UNC13C: variants seen among roughly 807,000 people sequenced by gnomAD.
UNC13C encodes the protein protein unc-13 homolog C.
UNC13C carries 174 observed loss-of-function variants against 245.4 expected under a neutral mutation model. That is an observed-to-expected ratio of 0.71 (90% CI 0.63 to 0.80). The LOEUF (loss-of-function observed/expected upper bound fraction) is 0.80, where lower values mean the gene tolerates loss of function less well. Ranked by LOEUF, UNC13C falls within the 30% of genes least tolerant of loss-of-function variation. The probability of loss-of-function intolerance (pLI) is 0.00; values close to 1 mark genes in which losing one functional copy is unlikely to be tolerated. For missense variants in UNC13C, 2,829 were observed against 2,602.9 expected (o/e 1.09, Z -1.89); for synonymous variants, 992 against 895.1 (o/e 1.11, Z -1.93).
the UNC13C span, among the ~76,000 whole-genome samples, chr15:53,908,752 CAAA>C: frequency 2.3e-5 from 2 of 88,172 alleles, no homozygotes; most frequent in African/African-American, 4.1e-5. Context: ...AACCTTTCTC[CAAA>C]AAAAAAAAAA....
Position 54,548,285 on chromosome 15 carries a change from G to A in UNC13C, c.5821-1350G>A, listed in dbSNP as rs1468323638. Among the ~76,000 whole-genome samples the A allele has an allele frequency of 4.4e-5, 6 of 137,426 alleles. No homozygotes were observed. In the South Asian group the frequency reaches 7.8e-4, roughly 18 times the overall value. The allele number at this position is 137,426 out of a possible 152,430, so 90.2% of individuals were successfully genotyped here. On this transcript the variant is annotated intron_variant, in intron 27 of 32. Transcript: ENST00000260323. ...CGCCCAGGCTGGAGTGCAGTGGCGCGATCTCGGCTCACTGCAAGCTCCACC... is the reference window on the plus strand; with the variant it reads ...CGCCCAGGCTGGAGTGCAGTGGCGCAATCTCGGCTCACTGCAAGCTCCACC...
At chr15:54,603,680 G>T (rs555732455) in intron 30 of UNC13C, among the ~76,000 whole-genome samples, 2 of 152,036 alleles carry the variant, frequency 1.3e-5, no homozygotes, top group African/African-American at 4.8e-5. Flanking sequence ...TGGGCAACAT[G>T]GTGAAACCCC....
At chr15:54,280,918 C>T (rs1303351817) in intron 10 of UNC13C, among the ~76,000 whole-genome samples, 1 of 151,840 alleles carries the variant, frequency 6.6e-6, no homozygotes, top group Non-Finnish European at 1.5e-5. Flanking sequence ...CTGCCTCAGG[C>T]TCCTGAGTAA....
At chr15:54,011,299 A>G (rs1012992628) in intron 1 of UNC13C, among the ~76,000 whole-genome samples, 5 of 152,174 alleles carry the variant, frequency 3.3e-5, no homozygotes, top group African/African-American at 1.2e-4. Context: ...ATTGTTGCCT[A>G]GAACAGTAGC....
rs1221806809 is a variant in UNC13C at position 54,297,876 on chromosome 15, GGAGAA to G, written c.4061_4065del (p.Glu1354GlyfsTer13). 1 of 1,610,736 alleles carries G rather than the reference GGAGAA, an allele frequency of 6.2e-7. No individual in the cohort carries two copies. Among genetic ancestry groups the G allele is most frequent in the Non-Finnish European group, 8.5e-7 (1 of 1,178,440 alleles). On this transcript the variant is annotated frameshift_variant, in exon 12 of 33. Transcript: ENST00000260323. LOFTEE classifies it high-confidence loss of function. ...ATTGAAAATCAATGTGGAGATAAAA[GGAGAA>G]GAGAAGGTTGCTCCATATCATATTC...
chr15:54,172,740 ATATATATATATATATATATATC>A (rs1279818462), intron 4 of UNC13C, among the ~76,000 whole-genome samples: 1 of 73,990 alleles, frequency 1.4e-5, no homozygotes, highest in African/African-American at 6.2e-5. Flanking sequence ...ATATATATAT[ATATATATATATATATATATATC>A]TTTACTCTAT....
intron 2 of UNC13C, among the ~76,000 whole-genome samples, chr15:54,025,117 A>T (rs144115124): frequency 0.019 from 2,850 of 152,226 alleles, 31 homozygotes; most frequent in South Asian, 0.066. Context: ...AGGTCCCAAG[A>T]TATATTGAGC....
chr15:53,928,843 A>G, the UNC13C span, among the ~76,000 whole-genome samples: 2,615 of 152,332 alleles, frequency 0.017, 30 homozygotes, highest in Middle Eastern at 0.075. Flanking sequence ...CAGTGGAATA[A>G]CCAACAATTT....
chr15:54,486,864 C>A (rs982374751), intron 19 of UNC13C, among the ~76,000 whole-genome samples: 3 of 152,144 alleles, frequency 2.0e-5, no homozygotes, highest in Admixed American at 6.5e-5. Context: ...ATGGCTTGGA[C>A]AAGTCATGCA....
At chr15:54,155,297 G>A (rs979888747) in intron 4 of UNC13C, among the ~76,000 whole-genome samples, 1 of 151,996 alleles carries the variant, frequency 6.6e-6, no homozygotes, top group Non-Finnish European at 1.5e-5. Context: ...ATTATATGAT[G>A]GTGACAGGAT....
chr15:54,475,759 A>G (rs1892705655), intron 19 of UNC13C, among the ~76,000 whole-genome samples: 1 of 122,450 alleles, frequency 8.2e-6, no homozygotes, highest in South Asian at 3.2e-4. Flanking sequence ...ATAGTGCTGC[A>G]ATAAACATAC....
chr15:54,235,084 A>T lies in UNC13C; in HGVS notation c.3126A>T (p.Lys1042Asn). Reference protein sequence around the residue: ...IDSMPDLRRKKTLPIVRDVAM... With the variant: ...IDSMPDLRRKNTLPIVRDVAM... ...GCATGCCGGATCTTCGCAGAAAAAA[A>T]ACTTTGCCTATTGTCCGAGATGTGG... Residue 1042 changes from lysine to asparagine, a missense_variant, in exon 5 of 33, where the codon AAA becomes AAT. Transcript: ENST00000260323. The T allele has an allele frequency of 6.2e-7, 1 of 1,613,936 alleles. No individual in the cohort carries two copies. The highest frequency in any genetic ancestry group is 2.2e-5 in the East Asian group (1 of 44,864).
At chr15:53,896,527 A>T in the UNC13C span, among the ~76,000 whole-genome samples, 1 of 152,132 alleles carries the variant, frequency 6.6e-6, no homozygotes, top group African/African-American at 2.4e-5. Flanking sequence ...CAATGTTATT[A>T]TCATAATAAT....
intron 30 of UNC13C, among the ~76,000 whole-genome samples, chr15:54,621,147 T>A (rs992293714): frequency 6.6e-6 from 1 of 152,180 alleles, no homozygotes; most frequent in Non-Finnish European, 1.5e-5. Context: ...ATCTTGATGA[T>A]TCTCTCAAGA....
chr15:54,019,076 T>G (rs564117775), intron 2 of UNC13C, among the ~76,000 whole-genome samples: 15 of 152,354 alleles, frequency 9.8e-5, no homozygotes, highest in Non-Finnish European at 1.8e-4. Flanking sequence ...CCAGGCTGTT[T>G]ACCTGTTTTT....
intron 19 of UNC13C, among the ~76,000 whole-genome samples, chr15:54,420,901 G>A (rs962712475): frequency 2.0e-4 from 31 of 152,126 alleles, no homozygotes; most frequent in African/African-American, 6.5e-4. Context: ...TTCAGGAAAG[G>A]CATTCATTGA....
At chr15:53,980,116 G>A (rs912851053) in intron 1 of UNC13C, among the ~76,000 whole-genome samples, 9 of 152,254 alleles carry the variant, frequency 5.9e-5, no homozygotes, top group African/African-American at 1.9e-4. Context: ...TGCAATAGAG[G>A]TAAGTGGGCT....
At chr15:54,431,930 G>A (rs896394112) in intron 19 of UNC13C, among the ~76,000 whole-genome samples, 4 of 151,486 alleles carry the variant, frequency 2.6e-5, no homozygotes, top group Non-Finnish European at 5.9e-5. Flanking sequence ...TAAGGTGATA[G>A]ATATTCTAAT....
intron 18 of UNC13C, among the ~76,000 whole-genome samples, chr15:54,393,412 G>T (rs936042769): frequency 4.0e-5 from 6 of 151,728 alleles, no homozygotes; most frequent in Non-Finnish European, 5.9e-5. Context: ...TATTTTCCAA[G>T]ATTTGATGTT....
Sources: allele counts gnomAD v4.1 joint callset (sites outside exome capture counted in the v4.1 genomes callset), GRCh38; gene constraint gnomAD v4.1.1; transcripts MANE v1.5; gene names NCBI Gene and HGNC (gene_info 2026-07-23, HGNC 2026-07-21).